The following VPS37A variants were observed in gnomAD, a reference collection of about 807,000 sequenced individuals.
The protein encoded by VPS37A is VPS37A subunit of ESCRT-I, also known as vacuolar protein sorting-associated protein 37A.
Under a neutral mutation model 49.8 loss-of-function variants are expected in VPS37A, and 30 were observed. That is an observed-to-expected ratio of 0.60 (90% CI 0.45 to 0.82). The LOEUF (loss-of-function observed/expected upper bound fraction) is 0.82, where lower values mean the gene tolerates loss of function less well. VPS37A is among the 40% of genes least tolerant of loss of function. The pLI is 0.00. For missense variants in VPS37A, 593 were observed against 464.4 expected (o/e 1.28, Z -2.55); for synonymous variants, 195 against 160.6 (o/e 1.21, Z -1.62).
downstream of VPS37A, among the ~76,000 whole-genome samples, chr8:17,302,652 T>A (rs1205478605): frequency 6.6e-6 from 1 of 151,196 alleles, no homozygotes; most frequent in Non-Finnish European, 1.5e-5. Context: ...AACTTGCAGC[T>A]TTTATCTTTT....
intron 1 of VPS37A, among the ~76,000 whole-genome samples, chr8:17,264,399 C>G (rs1259984743): frequency 6.6e-6 from 1 of 152,168 alleles, no homozygotes; most frequent in Admixed American, 6.5e-5. Context: ...GGAGGTTTTT[C>G]AGTCCAAACC....
At chr8:17,247,567 C>T in intron 1 of VPS37A, 198 bp downstream of exon 1, 1 of 766,584 alleles carries the variant, frequency 1.3e-6, no homozygotes, top group Non-Finnish European at 2.2e-6. Flanking sequence ...TGCCTCCTGC[C>T]GCACCACTGC....
chr8:17,303,696 T>A (rs1186554636), downstream of VPS37A, among the ~76,000 whole-genome samples: 1 of 150,876 alleles, frequency 6.6e-6, no homozygotes, highest in African/African-American at 2.4e-5. Context: ...CGCAACCTCC[T>A]CCTCCCTGGT....
chr8:17,273,518 C>T (rs1039096015), intron 4 of VPS37A, among the ~76,000 whole-genome samples: 6 of 152,132 alleles, frequency 3.9e-5, no homozygotes, highest in African/African-American at 1.4e-4. Flanking sequence ...AGGCGCCCAC[C>T]ACTACGCCCA....
intron 4 of VPS37A, among the ~76,000 whole-genome samples, chr8:17,273,396 T>C (rs1814195506): frequency 6.6e-6 from 1 of 152,176 alleles, no homozygotes; most frequent in African/African-American, 2.4e-5. Context: ...TCCTATACAA[T>C]CCCTATTTTC....
chr8:17,269,732 C>G (rs1813803118), intron 4 of VPS37A, among the ~76,000 whole-genome samples: 1 of 152,118 alleles, frequency 6.6e-6, no homozygotes, highest in Admixed American at 6.5e-5. Context: ...ATTGGATTCT[C>G]CATTTCTTAG....
the VPS37A span, among the ~76,000 whole-genome samples, chr8:17,317,066 G>A: frequency 1.3e-5 from 2 of 152,140 alleles, no homozygotes; most frequent in African/African-American, 4.8e-5. Context: ...GAATATTAAT[G>A]GCAGTTTTTG....
the VPS37A span, among the ~76,000 whole-genome samples, chr8:17,323,441 G>T: frequency 6.6e-6 from 1 of 152,026 alleles, no homozygotes; most frequent in African/African-American, 2.4e-5. Flanking sequence ...GGGTTTAAGG[G>T]ATGCTAAAAT....
chr8:17,318,710 C>T, the VPS37A span, among the ~76,000 whole-genome samples: 2 of 152,146 alleles, frequency 1.3e-5, no homozygotes, highest in African/African-American at 4.8e-5. Flanking sequence ...TGGAAGGTGA[C>T]GTGAAGTGGC....
the VPS37A span, among the ~76,000 whole-genome samples, chr8:17,325,319 C>G: frequency 6.6e-6 from 1 of 152,158 alleles, no homozygotes. Context: ...TGCTCTGCCT[C>G]CAACCATCCT....
At position 17,265,908 on chromosome 8, in the gene VPS37A, A is replaced by T; in HGVS notation, c.127A>T (p.Ile43Leu). 1 of 1,613,472 alleles carries T rather than the reference A, an allele frequency of 6.2e-7. No homozygotes were observed. The highest frequency in any genetic ancestry group is 2.2e-5 in the East Asian group (1 of 44,732). ...IESLRNSHSS[I>L]AEIQKDVEYR... ...ATTTTTTAAAATTTTCTCCTGCAGT[A>T]TAGCCGAAATACAGAAAGATGTGGA... Residue 43 changes from isoleucine (I) to leucine (L), a missense_variant and splice_region_variant, in exon 2 of 12, where the codon ATA becomes TTA. By Grantham distance (5) the Ile-to-Leu change is conservative. Coordinates refer to ENST00000324849, the MANE Select transcript of VPS37A (RefSeq NM_152415.3).
the VPS37A span, among the ~76,000 whole-genome samples, chr8:17,315,281 C>G: frequency 1.3e-5 from 2 of 151,964 alleles, no homozygotes; most frequent in African/African-American, 4.8e-5. Flanking sequence ...ATATGACCTC[C>G]TAGAAAAGGC....
downstream of VPS37A, among the ~76,000 whole-genome samples, chr8:17,301,283 G>C (rs1817092454): frequency 6.6e-6 from 1 of 152,218 alleles, no homozygotes; most frequent in African/African-American, 2.4e-5. Flanking sequence ...AGTTCTTGAA[G>C]AGGGATGAAG....
rs1811382901 is a variant in VPS37A, at chr8:17,247,501, C to T, written c.125+132C>T. The T allele has an allele frequency of 4.7e-6, 6 of 1,274,922 alleles. No homozygotes were observed. The East Asian group carries it at 1.5e-4, about 32-fold the overall frequency. 79.0% of individuals were successfully genotyped at this position (1,274,922 alleles called of 1,614,324 possible). ...TGGTTTACCTCCCTTGGTTGTGGGT[C>T]ACACGCTTGCTCTGCCACTCCTGCC... On this transcript the variant is annotated intron_variant, in intron 1 of 11. Coordinates refer to ENST00000324849, the MANE Select transcript of VPS37A (RefSeq NM_152415.3).
At chr8:17,313,183 T>A in the VPS37A span, 1 of 702,916 alleles carries the variant, frequency 1.4e-6, no homozygotes, top group Non-Finnish European at 2.4e-6. Context: ...GGCTATCCAG[T>A]CAGTGCAGTG....
chr8:17,247,817 A>C, intron 1 of VPS37A: 1 of 700,236 alleles, frequency 1.4e-6, no homozygotes, highest in Non-Finnish European at 2.6e-6. Context: ...AAGGAAAGGG[A>C]AGCCAGAGTT....
chr8:17,250,558 T>C (rs552190796), intron 1 of VPS37A, among the ~76,000 whole-genome samples: 1 of 152,302 alleles, frequency 6.6e-6, no homozygotes, highest in South Asian at 2.1e-4. Flanking sequence ...GTGAATATCT[T>C]TTTTTGGCCA....
At chr8:17,257,321 T>C (rs115249215) in intron 1 of VPS37A, among the ~76,000 whole-genome samples, 18 of 152,348 alleles carry the variant, frequency 1.2e-4, no homozygotes, top group African/African-American at 4.1e-4. Flanking sequence ...ACTATAACTT[T>C]GCAGTAAATT....
the VPS37A span, among the ~76,000 whole-genome samples, chr8:17,332,313 T>C: frequency 6.6e-5 from 10 of 152,342 alleles, no homozygotes; most frequent in African/African-American, 2.4e-4. Context: ...ACATATGTTC[T>C]TTGACACAGA....
Sources: allele counts gnomAD v4.1 joint callset (sites outside exome capture counted in the v4.1 genomes callset), GRCh38; gene constraint gnomAD v4.1.1; transcripts MANE v1.5; gene names NCBI Gene and HGNC (gene_info 2026-07-23, HGNC 2026-07-21).